DCDC1: variants seen among roughly 807,000 people sequenced by gnomAD.
DCDC1 encodes the protein doublecortin domain containing 1, also known as doublecortin domain-containing protein 1.
Under a neutral mutation model 178.3 loss-of-function variants are expected in DCDC1, and 200 were observed. That is an observed-to-expected ratio of 1.12 (90% CI 1.00 to 1.26). The LOEUF is 1.26. Among genes scored for constraint, DCDC1 ranks in the 50% most tolerant of loss-of-function variants. The probability of loss-of-function intolerance (pLI) is 0.00; values close to 1 mark genes in which losing one functional copy is unlikely to be tolerated. For synonymous variants in DCDC1, 690 were observed against 604.8 expected, an observed-to-expected ratio of 1.14 and a Z score of -2.07; for missense variants, 1,983 against 1,749.2, an observed-to-expected ratio of 1.13 and a Z score of -2.38.
intron 5 of DCDC1, 45 bp downstream of exon 5, chr11:31,306,187 A>G: frequency 7.0e-7 from 1 of 1,423,226 alleles, no homozygotes; most frequent in Non-Finnish European, 9.2e-7. Flanking sequence ...TAAAGAGAGT[A>G]AGGGAAAAAA....
intron 20 of DCDC1, among the ~76,000 whole-genome samples, chr11:31,049,628 G>A (rs1955102628): frequency 6.6e-6 from 1 of 152,180 alleles, no homozygotes; most frequent in Admixed American, 6.5e-5. Context: ...CAGACCCTCT[G>A]AAGGAAGTGG....
At chr11:31,299,295 T>C (rs889048428) in intron 6 of DCDC1, among the ~76,000 whole-genome samples, 7 of 152,054 alleles carry the variant, frequency 4.6e-5, no homozygotes, top group Non-Finnish European at 7.4e-5. Flanking sequence ...GTCTGACATA[T>C]CATTTGAAGT....
chr11:31,083,156 C>G (rs1032305330), intron 17 of DCDC1, among the ~76,000 whole-genome samples: 6 of 152,006 alleles, frequency 3.9e-5, no homozygotes, highest in African/African-American at 1.5e-4. Context: ...CCATTTTTAG[C>G]AAGACCTAAA....
chr11:30,925,163 C>G lies in DCDC1; in HGVS notation c.2997+146G>C, dbSNP rs57282960. 2,267 of 689,516 alleles carry G rather than the reference C, an allele frequency of 3.3e-3. 39 individuals carry two copies. In the African/African-American group the frequency reaches 0.037, roughly 11 times the overall value. The allele number at this position is 689,516 out of a possible 1,614,324, so 42.7% of individuals were successfully genotyped here. On this transcript the variant is annotated intron_variant, in intron 23 of 38. Coordinates refer to ENST00000684477, the MANE Select transcript of DCDC1 (RefSeq NM_001387274.1). ...TGAATAATGTTAGCTGTTAGTATTA[C>G]TTTCTGATGTTTGCTCAGTTAGGAT...
At chr11:31,237,865 T>G (rs1228928896) in intron 9 of DCDC1, among the ~76,000 whole-genome samples, 1 of 152,084 alleles carries the variant, frequency 6.6e-6, no homozygotes. Context: ...TTCCTTAAGA[T>G]TTCTTAAATT....
At chr11:31,360,135 T>G (rs1420599276) in intron 1 of DCDC1, among the ~76,000 whole-genome samples, 1 of 152,232 alleles carries the variant, frequency 6.6e-6, no homozygotes, top group Admixed American at 6.5e-5. Context: ...TTCCAGAGAC[T>G]CTTTGTTATC....
At position 30,892,920 on chromosome 11, in the gene DCDC1, C is replaced by T. The variant is rs116099904; in HGVS notation, c.4980G>A (p.Pro1660=). ...TGTTGGGCTGCTTATACAGGTTGCTCGGCTTGACTGCTATACGTTTGGTTG... is the reference window on the plus strand; with the variant it reads ...TGTTGGGCTGCTTATACAGGTTGCTTGGCTTGACTGCTATACGTTTGGTTG... ...PIATKRIAVK[P]SNLYKQPNTK... The change falls in exon 36 of 39, where the codon CCG becomes CCA. Residue 1660 remains proline (P), a synonymous_variant. Transcript: ENST00000684477. 105 of 1,613,852 alleles carry T rather than the reference C, an allele frequency of 6.5e-5. No homozygotes were observed. In the East Asian group the frequency reaches 1.8e-3, roughly 27 times the overall value.
intron 20 of DCDC1, among the ~76,000 whole-genome samples, chr11:31,022,062 T>G (rs555134367): frequency 6.6e-6 from 1 of 152,254 alleles, no homozygotes; most frequent in African/African-American, 2.4e-5. Flanking sequence ...GTCCCCTTGC[T>G]TTACCAACCC....
chr11:31,116,898 C>T (rs1960052301), intron 11 of DCDC1, among the ~76,000 whole-genome samples: 1 of 151,942 alleles, frequency 6.6e-6, no homozygotes, highest in African/African-American at 2.4e-5. Flanking sequence ...CCAGAAAAGG[C>T]ATACCAAAGA....
At chr11:30,989,917 G>A (rs1273492942) in intron 20 of DCDC1, among the ~76,000 whole-genome samples, 3 of 152,192 alleles carry the variant, frequency 2.0e-5, no homozygotes, top group South Asian at 2.1e-4. Context: ...GGGAAGACTC[G>A]TGTCTTAATT....
intron 3 of DCDC1, 25 bp downstream of exon 3, chr11:31,328,092 T>C (rs755356011): frequency 1.6e-5 from 25 of 1,578,130 alleles, no homozygotes; most frequent in Non-Finnish European, 2.2e-5. Context: ...GTATTTAGTT[T>C]AAGCTGCTGA....
At chr11:30,901,671 C>T (rs1051498228) in intron 32 of DCDC1, among the ~76,000 whole-genome samples, 11 of 152,044 alleles carry the variant, frequency 7.2e-5, no homozygotes, top group Non-Finnish European at 1.5e-4. Flanking sequence ...TTTGATAGTC[C>T]TACACTAATA....
chr11:31,042,861 AC>A (rs751507520), intron 20 of DCDC1, among the ~76,000 whole-genome samples: 10 of 152,148 alleles, frequency 6.6e-5, no homozygotes, highest in Non-Finnish European at 1.3e-4. Flanking sequence ...GTGTTGGTGC[AC>A]ATGACCTGGA....
At chr11:31,331,706 C>G (rs752679694) in intron 2 of DCDC1, among the ~76,000 whole-genome samples, 3 of 152,090 alleles carry the variant, frequency 2.0e-5, no homozygotes, top group Non-Finnish European at 4.4e-5. Flanking sequence ...GTTGAACCAC[C>G]CTTGCATCCC....
Position 30,917,321 on chromosome 11 carries a change from T to C in DCDC1, c.3294-293A>G, listed in dbSNP as rs79900564. Among the ~76,000 whole-genome samples the C allele has an allele frequency of 5.9e-3, 894 of 152,308 alleles. 12 individuals are homozygous for C. The highest frequency in any genetic ancestry group is 0.02 in the African/African-American group (850 of 41,584). On this transcript the variant is annotated intron_variant, in intron 25 of 38. Transcript: ENST00000684477. ...ATTGTATTTCAAAAATCATAAAGAT[T>C]GACTACTCAGTAGTTTGAGAAATTC...
chr11:31,091,728 C>T (rs61878209), intron 16 of DCDC1, among the ~76,000 whole-genome samples: 44,619 of 151,782 alleles, frequency 0.29, 7,496 homozygotes, highest in Non-Finnish European at 0.37. Context: ...CAGTTCAGTG[C>T]GAAATAAAAC....
chr11:31,321,743 C>T (rs971291603), intron 3 of DCDC1, among the ~76,000 whole-genome samples: 1 of 152,166 alleles, frequency 6.6e-6, no homozygotes, highest in Non-Finnish European at 1.5e-5. Flanking sequence ...ACTGTACTCC[C>T]TTCAAAAAAT....
At chr11:31,172,317 G>A (rs1460164026) in intron 9 of DCDC1, among the ~76,000 whole-genome samples, 1 of 151,720 alleles carries the variant, frequency 6.6e-6, no homozygotes, top group Non-Finnish European at 1.5e-5. Flanking sequence ...TTTAATATAA[G>A]CATAGACACT....
At chr11:31,155,858 C>G (rs1031045327) in intron 9 of DCDC1, 4 of 152,296 alleles carry the variant, frequency 2.6e-5, no homozygotes, top group African/African-American at 7.2e-5. Flanking sequence ...CACAATATAT[C>G]TCATACAGTA....
Sources: gnomAD v4.1 joint callset for allele counts (sites outside exome capture counted in the v4.1 genomes callset) on GRCh38, gnomAD v4.1.1 for gene constraint, MANE v1.5 for transcripts, NCBI Gene and HGNC (gene_info 2026-07-23, HGNC 2026-07-21) for gene names.